Variants in MPP7 observed in about 807,000 individuals in gnomAD.
MPP7 encodes MAGUK p55 scaffold protein 7, also known as MAGUK p55 subfamily member 7.
A neutral mutation model predicts 76.5 loss-of-function variants in MPP7; 60 were observed. The observed-to-expected ratio is 0.78, with a 90% CI of 0.64 to 0.97. The LOEUF (loss-of-function observed/expected upper bound fraction) is 0.97, where lower values mean the gene tolerates loss of function less well. MPP7 is among the 50% of genes least tolerant of loss of function. MPP7 has a pLI of 0.00. For synonymous variants in MPP7, 237 were observed against 244.5 expected (o/e 0.97, Z 0.29); for missense variants, 641 against 694.0 (o/e 0.92, Z 0.86).
chr10:28,275,762 A>C (rs1840475399), intron 1 of MPP7, among the ~76,000 whole-genome samples: 1 of 151,688 alleles, frequency 6.6e-6, no homozygotes, highest in Admixed American at 6.6e-5. Context: ...TACCACCAAC[A>C]TGCCAGTCCA....
At chr10:28,120,160 G>A (rs994804330) in intron 10 of MPP7, 34 bp downstream of exon 10, 1 of 1,592,304 alleles carries the variant, frequency 6.3e-7, no homozygotes, top group Non-Finnish European at 8.6e-7. Flanking sequence ...AAGGTCAGCT[G>A]GAGAAAAGCC....
chr10:28,292,980 T>A (rs1159698893), intron 1 of MPP7, among the ~76,000 whole-genome samples: 1 of 128,346 alleles, frequency 7.8e-6, no homozygotes, highest in Non-Finnish European at 1.6e-5. Context: ...TAGAAGAAAA[T>A]ACAGAAACAT....
chr10:28,108,181 T>A (rs1834382131), intron 11 of MPP7, among the ~76,000 whole-genome samples: 2 of 152,168 alleles, frequency 1.3e-5, no homozygotes, highest in African/African-American at 4.8e-5. Flanking sequence ...ACTGTAAACT[T>A]TCTAGACCTT....
intron 2 of MPP7, among the ~76,000 whole-genome samples, chr10:28,323,670 C>A (rs1230693465): frequency 1.3e-5 from 2 of 150,108 alleles, no homozygotes; most frequent in Non-Finnish European, 2.9e-5. Flanking sequence ...CATAACAAGG[C>A]CCTGTTGCTA....
intron 6 of MPP7, among the ~76,000 whole-genome samples, chr10:28,127,985 C>T (rs1189080301): frequency 2.6e-5 from 4 of 152,108 alleles, no homozygotes; most frequent in Middle Eastern, 3.2e-3. Context: ...TGCTCAAGAG[C>T]GAGCAAGGCA....
chr10:28,320,226 G>A (rs1328228609), intron 2 of MPP7, among the ~76,000 whole-genome samples: 1 of 152,054 alleles, frequency 6.6e-6, no homozygotes, highest in African/African-American at 2.4e-5. Context: ...ATTCCTTTTG[G>A]GATGCATCAT....
intron 3 of MPP7, among the ~76,000 whole-genome samples, chr10:28,173,473 G>A (rs921280991): frequency 2.0e-5 from 3 of 152,140 alleles, no homozygotes; most frequent in African/African-American, 7.2e-5. Flanking sequence ...TGTTCTAAGT[G>A]CACAATACTG....
chr10:28,106,894 C>G (rs1834342104), intron 11 of MPP7, among the ~76,000 whole-genome samples: 1 of 152,188 alleles, frequency 6.6e-6, no homozygotes, highest in Non-Finnish European at 1.5e-5. Flanking sequence ...TATTTCTGAT[C>G]ACCCCTTCCT....
chr10:28,124,055 C>G lies in MPP7; in HGVS notation c.591G>C (p.Arg197Ser), dbSNP rs777843787. Reference protein sequence around the residue: ...EVNGIPVEDKRPEEIIQILAQ... With the variant: ...EVNGIPVEDKSPEEIIQILAQ... ...CCAAAATCTGTATTATTTCCTCAGG[C>G]CTTTTATCCTCCACTGGTATCCCGT... Residue 197 changes from arginine (R) to serine (S), a missense_variant, in exon 8 of 17, where the codon AGG (arginine) becomes AGC (serine). Arg to Ser is a moderately radical substitution (Grantham distance 110). Coordinates refer to ENST00000683449, the MANE Select transcript of MPP7 (RefSeq NM_001318170.2). The G allele has an allele frequency of 1.9e-6, 3 of 1,610,712 alleles. No individual in the cohort carries two copies. Among genetic ancestry groups the G allele is most frequent in the Non-Finnish European group, 2.5e-6 (3 of 1,177,234 alleles).
chr10:28,176,282 G>A (rs2133887991), intron 3 of MPP7, among the ~76,000 whole-genome samples: 1 of 152,120 alleles, frequency 6.6e-6, no homozygotes, highest in South Asian at 2.1e-4. Context: ...AAATAAGCCT[G>A]AGAGACCCTG....
intron 1 of MPP7, among the ~76,000 whole-genome samples, chr10:28,266,475 C>A (rs1209663108): frequency 1.3e-5 from 2 of 152,090 alleles, no homozygotes; most frequent in African/African-American, 4.8e-5. Context: ...ACATATGAGG[C>A]AGAAGGATCT....
At chr10:28,116,913 A>G (rs1218225723) in intron 11 of MPP7, among the ~76,000 whole-genome samples, 2 of 152,140 alleles carry the variant, frequency 1.3e-5, no homozygotes, top group African/African-American at 4.8e-5. Context: ...TTCAAAGCCT[A>G]AAGAGGTTGT....
At chr10:28,124,888 A>G (rs955974719) in intron 7 of MPP7, 122 bp downstream of exon 7, 13 of 777,518 alleles carry the variant, frequency 1.7e-5, no homozygotes, top group Non-Finnish European at 2.9e-5. Flanking sequence ...ACAGAGAAAA[A>G]TATCTTATTA....
intron 2 of MPP7, among the ~76,000 whole-genome samples, chr10:28,217,024 A>G (rs1838331814): frequency 6.6e-6 from 1 of 152,130 alleles, no homozygotes; most frequent in South Asian, 2.1e-4. Flanking sequence ...ATTTTTCTAA[A>G]ATTTCTGGAT....
rs188757687 is a variant in MPP7 at position 28,279,495 on chromosome 10, G to A, written c.-132+23366C>T. On this transcript the variant is annotated intron_variant, in intron 1 of 16. Coordinates refer to ENST00000683449, the MANE Select transcript of MPP7 (RefSeq NM_001318170.2). ...TGTAATCCCATCACTTTGGGAGGCCGAGGCGGGTGGATCACCTGAGGTCAG... is the reference window on the plus strand; with the variant it reads ...TGTAATCCCATCACTTTGGGAGGCCAAGGCGGGTGGATCACCTGAGGTCAG... Among the ~76,000 whole-genome samples, 58 of 152,006 alleles carry A rather than the reference G, an allele frequency of 3.8e-4. 2 individuals are homozygous for A. In the South Asian group the frequency reaches 0.011, roughly 28 times the overall value.
chr10:28,239,049 A>G (rs1441899278), intron 1 of MPP7, among the ~76,000 whole-genome samples: 3 of 152,158 alleles, frequency 2.0e-5, no homozygotes, highest in South Asian at 2.1e-4. Context: ...GTCATTCTCA[A>G]CTTCCTTCCC....
At chr10:28,292,864 C>G (rs1285068769) in intron 1 of MPP7, among the ~76,000 whole-genome samples, 4 of 152,038 alleles carry the variant, frequency 2.6e-5, no homozygotes, top group Non-Finnish European at 4.4e-5. Flanking sequence ...GTGTCTGTGT[C>G]TCTGTGTGCA....
At position 28,228,964 on chromosome 10, in the gene MPP7, A is replaced by C. The variant is rs545594691; in HGVS notation, c.37+9604T>G. On this transcript the variant is annotated intron_variant, in intron 2 of 16. Coordinates refer to ENST00000683449, the MANE Select transcript of MPP7 (RefSeq NM_001318170.2). ...AGACCAAAAAAGACTGAACTATATAAGAGGGTTAAGAAAGATAAGGGATAG... is the reference window on the plus strand; with the variant it reads ...AGACCAAAAAAGACTGAACTATATACGAGGGTTAAGAAAGATAAGGGATAG... Among the ~76,000 whole-genome samples, 58 of 152,318 alleles carry C rather than the reference A, an allele frequency of 3.8e-4. No individual in the cohort carries two copies. In the Middle Eastern group the frequency reaches 0.014, roughly 36 times the overall value.
At chr10:28,298,553 T>C (rs532969024) in intron 1 of MPP7, among the ~76,000 whole-genome samples, 2 of 152,292 alleles carry the variant, frequency 1.3e-5, no homozygotes, top group South Asian at 4.1e-4. Context: ...GTCGCTCCAT[T>C]TATAGAGCAC....
Sources: allele counts gnomAD v4.1 joint callset (sites outside exome capture counted in the v4.1 genomes callset), GRCh38; gene constraint gnomAD v4.1.1; transcripts MANE v1.5; gene names NCBI Gene and HGNC (gene_info 2026-07-23, HGNC 2026-07-21).